RANBP2: variants seen among roughly 807,000 people sequenced by gnomAD.
RANBP2 encodes the protein RAN binding protein 2, also known as E3 SUMO-protein ligase RanBP2.
A neutral mutation model predicts 303.6 loss-of-function variants in RANBP2; 57 were observed. The observed-to-expected ratio is 0.19, with a 90% CI of 0.15 to 0.23. The LOEUF (loss-of-function observed/expected upper bound fraction) is 0.23, where lower values mean the gene tolerates loss of function less well. Among genes scored for constraint, RANBP2 ranks in the 10% least tolerant of loss-of-function variants. The pLI is 1.00. For missense variants in RANBP2, 3,138 were observed against 3,780.8 expected (o/e 0.83, Z 4.46); for synonymous variants, 1,167 against 1,301.5 (o/e 0.90, Z 2.23).
chr2:108,887,252 A>G, the RANBP2 span, among the ~76,000 whole-genome samples: 18 of 152,140 alleles, frequency 1.2e-4, no homozygotes, highest in Admixed American at 8.5e-4. Flanking sequence ...GTCCGTTTTT[A>G]TAACAGTACC....
chr2:109,359,211 G>A, the RANBP2 span, among the ~76,000 whole-genome samples: 1 of 152,104 alleles, frequency 6.6e-6, no homozygotes, highest in African/African-American at 2.4e-5. Flanking sequence ...GTCATGTAGT[G>A]TTGGCCCTTG....
the RANBP2 span, among the ~76,000 whole-genome samples, chr2:109,341,755 C>T: frequency 6.6e-6 from 1 of 152,158 alleles, no homozygotes; most frequent in Admixed American, 6.5e-5. Context: ...GGCAGATTTC[C>T]TTATGCATGT....
At chr2:109,508,138 C>G in the RANBP2 span, among the ~76,000 whole-genome samples, 2 of 152,170 alleles carry the variant, frequency 1.3e-5, no homozygotes, top group Admixed American at 6.5e-5. Flanking sequence ...CCATCTGACA[C>G]CTTCCCCATC....
chr2:109,708,247 A>G, the RANBP2 span, among the ~76,000 whole-genome samples: 4 of 151,964 alleles, frequency 2.6e-5, no homozygotes, highest in African/African-American at 7.2e-5. Context: ...TTAGCTGGGC[A>G]TGGTGGCACA....
chr2:109,646,616 C>A, the RANBP2 span, among the ~76,000 whole-genome samples: 4 of 151,660 alleles, frequency 2.6e-5, no homozygotes, highest in Non-Finnish European at 5.9e-5. Context: ...ATCAGCCTCC[C>A]GAATAGCTGG....
At chr2:108,846,922 T>C in the RANBP2 span, 1 of 1,581,340 alleles carries the variant, frequency 6.3e-7, no homozygotes, top group Non-Finnish European at 8.7e-7. Context: ...CTCAAAACAG[T>C]CACTCAAGGT....
the RANBP2 span, among the ~76,000 whole-genome samples, chr2:109,726,409 A>G: frequency 6.6e-6 from 1 of 151,818 alleles, no homozygotes; most frequent in Non-Finnish European, 1.5e-5. Flanking sequence ...ATCCTATCTC[A>G]ATAAAAACCC....
At chr2:109,180,654 G>C in the RANBP2 span, among the ~76,000 whole-genome samples, 1 of 151,808 alleles carries the variant, frequency 6.6e-6, no homozygotes, top group African/African-American at 2.4e-5. Context: ...CTTTTTGCTT[G>C]GCTCTCTTTG....
the RANBP2 span, among the ~76,000 whole-genome samples, chr2:109,290,788 A>G: frequency 3.3e-5 from 5 of 152,214 alleles, no homozygotes; most frequent in East Asian, 9.6e-4. Flanking sequence ...CAGAGCCTTT[A>G]CAACACAGCA....
the RANBP2 span, among the ~76,000 whole-genome samples, chr2:109,572,162 G>A: frequency 2.2e-4 from 34 of 152,080 alleles, no homozygotes; most frequent in South Asian, 5.2e-3. Flanking sequence ...ATGGAGTCTC[G>A]CTCTGTCGCC....
the RANBP2 span, among the ~76,000 whole-genome samples, chr2:109,057,046 T>A: frequency 2.0e-5 from 3 of 152,354 alleles, no homozygotes; most frequent in Non-Finnish European, 4.4e-5. Context: ...CATTTCCTCA[T>A]GTGTCTTTGA....
the RANBP2 span, among the ~76,000 whole-genome samples, chr2:109,250,111 A>G: frequency 6.9e-6 from 1 of 145,558 alleles, no homozygotes; most frequent in Non-Finnish European, 1.5e-5. Flanking sequence ...TTTTTGTCTA[A>G]TTAGAATTCT....
the RANBP2 span, among the ~76,000 whole-genome samples, chr2:109,078,084 A>T: frequency 4.6e-3 from 38 of 8,294 alleles, 2 homozygotes; most frequent in South Asian, 0.023. Flanking sequence ...ATGAATATAT[A>T]TATATATATA....
chr2:108,737,965 C>A (rs993919422), intron 6 of RANBP2, among the ~76,000 whole-genome samples: 4 of 151,786 alleles, frequency 2.6e-5, no homozygotes, highest in Admixed American at 2.0e-4. Flanking sequence ...CTGCCCTCCT[C>A]GGCCTCCCAA....
At chr2:108,773,339 G>A (rs1427790564) in intron 23 of RANBP2, among the ~76,000 whole-genome samples, 2 of 151,966 alleles carry the variant, frequency 1.3e-5, no homozygotes, top group African/African-American at 4.8e-5. Flanking sequence ...GGCTGGTCTC[G>A]AACTCCGGAC....
chr2:109,544,287 T>A, the RANBP2 span: 5 of 1,611,500 alleles, frequency 3.1e-6, no homozygotes, highest in Non-Finnish European at 4.2e-6. Flanking sequence ...ATGATGACCT[T>A]CTGTGCTCTG....
the RANBP2 span, among the ~76,000 whole-genome samples, chr2:109,379,698 T>G: frequency 2.0e-5 from 3 of 152,162 alleles, no homozygotes; most frequent in Non-Finnish European, 4.4e-5. Context: ...CCAGCCTTAG[T>G]GTGGATGCCA....
chr2:109,464,963 T>C, the RANBP2 span, among the ~76,000 whole-genome samples: 1 of 152,258 alleles, frequency 6.6e-6, no homozygotes, highest in African/African-American at 2.4e-5. Flanking sequence ...CTCTGTGCTC[T>C]GCCTGTTGAT....
At chr2:108,952,792 C>A in the RANBP2 span, among the ~76,000 whole-genome samples, 1 of 152,186 alleles carries the variant, frequency 6.6e-6, no homozygotes, top group Non-Finnish European at 1.5e-5. Flanking sequence ...ATATGCCAGA[C>A]ATCGTAATGA....
Sources: gnomAD v4.1 joint callset for allele counts (sites outside exome capture counted in the v4.1 genomes callset) on GRCh38, gnomAD v4.1.1 for gene constraint, MANE v1.5 for transcripts, NCBI Gene and HGNC (gene_info 2026-07-23, HGNC 2026-07-21) for gene names.